CAND1: variants seen among roughly 807,000 people sequenced by gnomAD.
CAND1 encodes the protein cullin associated and neddylation dissociated 1.
A neutral mutation model predicts 108.5 loss-of-function variants in CAND1; 7 were observed. That is an observed-to-expected ratio of 0.06 (90% CI 0.04 to 0.12). The LOEUF (loss-of-function observed/expected upper bound fraction) is 0.12. Ranked by LOEUF, CAND1 falls within the 10% of genes least tolerant of loss-of-function variation. The pLI, the probability that CAND1 is intolerant of heterozygous loss-of-function variation, is 1.00. For missense variants in CAND1, 941 were observed against 1,448.7 expected, an observed-to-expected ratio of 0.65 and a Z score of 5.69; for synonymous variants, 534 against 512.0, an observed-to-expected ratio of 1.04 and a Z score of -0.58.
At chr12:67,292,859 A>T (rs1592613557) in intron 3 of CAND1, 83 bp downstream of exon 3, 2 of 1,340,274 alleles carry the variant, frequency 1.5e-6, no homozygotes, top group African/African-American at 2.9e-5. Flanking sequence ...CTGGCCAAGG[A>T]GGGAGGGAGG....
chr12:67,271,770 T>G (rs2044522877), intron 1 of CAND1, among the ~76,000 whole-genome samples: 1 of 152,228 alleles, frequency 6.6e-6, no homozygotes, highest in African/African-American at 2.4e-5. Flanking sequence ...AAACAAGGTA[T>G]ATTTAGGAGC....
At chr12:67,276,727 G>A (rs2044573031) in intron 1 of CAND1, among the ~76,000 whole-genome samples, 1 of 152,216 alleles carries the variant, frequency 6.6e-6, no homozygotes, top group African/African-American at 2.4e-5. Flanking sequence ...AAAACAATAT[G>A]CCTTAGCTGT....
chr12:67,277,515 AAAC>A (rs1289703380), intron 1 of CAND1, among the ~76,000 whole-genome samples: 11 of 152,320 alleles, frequency 7.2e-5, no homozygotes, highest in African/African-American at 2.6e-4. Flanking sequence ...AGGCCATATT[AAAC>A]AACAAGAGCG....
At position 67,310,241 on chromosome 12, in the gene CAND1, T is replaced by C. The variant is rs561510241; in HGVS notation, c.3285T>C (p.Ser1095=). ...AGTGTATGTACACACTTCTAGACAG[T>C]TGTCTTGATAGACTTGATATCTTTG... ...AFECMYTLLD[S]CLDRLDIFEF... The change falls in exon 13 of 15, where the codon AGT becomes AGC. Residue 1095 remains serine, a synonymous_variant. Transcript: ENST00000545606. The C allele has an allele frequency of 1.9e-6, 3 of 1,607,642 alleles. No individual in the cohort carries two copies. The Admixed American group carries it at 5.0e-5, about 27-fold the overall frequency.
chr12:67,306,691 T>A (rs747643129), intron 10 of CAND1, 94 bp downstream of exon 10: 37 of 965,774 alleles, frequency 3.8e-5, no homozygotes, highest in Non-Finnish European at 5.2e-5. Context: ...ATGTCTATAT[T>A]TTCTTAAACC....
intron 1 of CAND1, among the ~76,000 whole-genome samples, chr12:67,281,473 GT>G (rs1455886370): frequency 6.6e-6 from 1 of 152,170 alleles, no homozygotes; most frequent in Admixed American, 6.5e-5. Flanking sequence ...TGTTCTTAAT[GT>G]TTTTGGTTAA....
intron 2 of CAND1, among the ~76,000 whole-genome samples, chr12:67,289,367 T>TGCC (rs34545796): frequency 4.0e-5 from 6 of 151,660 alleles, no homozygotes; most frequent in African/African-American, 1.5e-4. Flanking sequence ...TACAGGCATG[T>TGCC]ACCATGTCCA....
rs1429807957 is a variant in CAND1 at position 67,292,605 on chromosome 12, T to G, written c.213-17T>G. ...CTTATCTAGCTTTTTTTAAACAATT[T>G]CTTCTTTGTATTACAGTCTTGGTCC... is the stretch of plus-strand genomic sequence containing the variant. On this transcript the variant is annotated splice_polypyrimidine_tract_variant and intron_variant, in intron 2 of 14. Coordinates refer to ENST00000545606, the MANE Select transcript of CAND1 (RefSeq NM_018448.5). 1 of 1,565,900 alleles carries G rather than the reference T, an allele frequency of 6.4e-7. No homozygotes were observed. The highest frequency in any genetic ancestry group is 8.6e-7 in the Non-Finnish European group (1 of 1,158,480).
chr12:67,303,596 A>G (rs2044847639), intron 8 of CAND1, among the ~76,000 whole-genome samples: 1 of 152,076 alleles, frequency 6.6e-6, no homozygotes, highest in African/African-American at 2.4e-5. Flanking sequence ...GTATGTGTCC[A>G]TGTAGTTTGG....
chr12:67,281,159 G>A lies in CAND1; in HGVS notation c.69-751G>A, dbSNP rs2044616339. 2.7e-5 allele frequency among the ~76,000 whole-genome samples: 4 copies of A among 150,804 alleles called. No individual in the cohort carries two copies. The Middle Eastern group carries it at 0.014, about 531-fold the overall frequency. On this transcript the variant is annotated intron_variant, in intron 1 of 14. Coordinates refer to ENST00000545606, the MANE Select transcript of CAND1 (RefSeq NM_018448.5). ...AATACTAAATTATTATTTTTGTATA[G>A]TAAATACTAAAAATACAAAAATTAG...
chr12:67,312,579 G>A (rs754215178), intron 14 of CAND1, 27 bp from the exon 15 acceptor site: 3 of 1,491,684 alleles, frequency 2.0e-6, no homozygotes, highest in Non-Finnish European at 1.8e-6. Context: ...TTTATAGCAT[G>A]TAATCTAAGT....
intron 1 of CAND1, among the ~76,000 whole-genome samples, chr12:67,280,443 TA>T (rs1489059347): frequency 1.3e-5 from 2 of 152,236 alleles, no homozygotes; most frequent in Non-Finnish European, 2.9e-5. Context: ...TCAGCTCCAA[TA>T]GTTGTTTTTT....
rs768750231 is a variant in CAND1, at chr12:67,311,788, A to G, written c.3456A>G (p.Thr1152=). 24 of 1,597,156 alleles carry G rather than the reference A, an allele frequency of 1.5e-5. No individual in the cohort carries two copies. The highest frequency in any genetic ancestry group is 1.9e-5 in the Non-Finnish European group (22 of 1,164,700). Residue 1152 remains threonine, a synonymous_variant, in exon 14 of 15, where the codon ACA becomes ACG. Transcript: ENST00000545606. ...GACTTGTTGAGCCATTACGTGCAAC[A>G]TGTACAACTAAGGTAAGAAATGATA... is the stretch of plus-strand genomic sequence containing the variant. ...LDRLVEPLRA[T]CTTKVKANSV...
chr12:67,304,014 G>A (rs1395112836), intron 8 of CAND1, among the ~76,000 whole-genome samples: 6 of 137,922 alleles, frequency 4.4e-5, no homozygotes, highest in African/African-American at 1.6e-4. Flanking sequence ...TTTTTGAGAT[G>A]GAGTCTTGCT....
At chr12:67,298,365 A>ATG (rs56209243) in intron 6 of CAND1, among the ~76,000 whole-genome samples, 28,765 of 152,064 alleles carry the variant, frequency 0.19, 5,625 homozygotes, top group African/African-American at 0.5. Flanking sequence ...ATGCAGTAGC[A>ATG]TGGTGTCTTG....
At chr12:67,310,894 G>A (rs2044942324) in intron 13 of CAND1, 2 of 152,042 alleles carry the variant, frequency 1.3e-5, no homozygotes, top group Admixed American at 6.6e-5. Flanking sequence ...ATCATACTGC[G>A]TCTTATGTTT....
At chr12:67,288,680 A>G (rs1397185908) in intron 2 of CAND1, among the ~76,000 whole-genome samples, 2 of 152,238 alleles carry the variant, frequency 1.3e-5, no homozygotes, top group Admixed American at 1.3e-4. Context: ...AAATACTATG[A>G]CAAGTGGAAA....
At chr12:67,298,412 C>T (rs1300730349) in intron 6 of CAND1, among the ~76,000 whole-genome samples, 5 of 152,166 alleles carry the variant, frequency 3.3e-5, no homozygotes, top group African/African-American at 4.8e-5. Flanking sequence ...TATCCCTTGA[C>T]ACTCCTGGTT....
intron 2 of CAND1, among the ~76,000 whole-genome samples, chr12:67,290,326 C>T (rs551138154): frequency 3.6e-4 from 55 of 152,194 alleles, no homozygotes; most frequent in Admixed American, 5.9e-4. Flanking sequence ...GCCTAGTCAA[C>T]ATGGTGAAAC....
Sources: gnomAD v4.1 joint callset for allele counts (sites outside exome capture counted in the v4.1 genomes callset) on GRCh38, gnomAD v4.1.1 for gene constraint, MANE v1.5 for transcripts, NCBI Gene and HGNC (gene_info 2026-07-23, HGNC 2026-07-21) for gene names.